The following LRP12 variants were observed in gnomAD, a reference collection of about 807,000 sequenced individuals.
The protein encoded by LRP12 is LDL receptor related protein 12.
LRP12 carries 14 observed loss-of-function variants against 66.0 expected under a neutral mutation model. That is an observed-to-expected ratio of 0.21 (90% CI 0.14 to 0.33). LRP12 has a LOEUF of 0.33. Ranked by LOEUF, LRP12 falls within the 10% of genes least tolerant of loss-of-function variation. The pLI is 1.00. For missense variants in LRP12, 889 were observed against 1,053.4 expected (o/e 0.84, Z 2.16); for synonymous variants, 357 against 359.1 (o/e 0.99, Z 0.07).
chr8:104,497,332 TCATCCCTTC>T lies in LRP12; in HGVS notation c.1211_1219del (p.Gly404_Asp406del). 6.2e-7 allele frequency: 1 copy of T among 1,614,140 alleles called. No individual in the cohort carries two copies. The highest frequency in any genetic ancestry group is 8.5e-7 in the Non-Finnish European group (1 of 1,179,996). On this transcript the variant is annotated inframe_deletion, in exon 5 of 7. Coordinates refer to ENST00000276654, the MANE Select transcript of LRP12 (RefSeq NM_013437.5). This position sits in a 1 kb window ranked among gnomAD's most constrained non-coding sequence, Gnocchi z 4.3. ...CTTCTGGCACATGGTACAATTGGTT[TCATCCCTTC>T]CATTTGGGCAATGCCAATACCCATC...
At chr8:104,548,463 AAT>A (rs1212409991) in intron 1 of LRP12, among the ~76,000 whole-genome samples, 1 of 122,202 alleles carries the variant, frequency 8.2e-6, no homozygotes, top group Non-Finnish European at 1.6e-5. Flanking sequence ...TTTTGTATCT[AAT>A]ATATAATTCT....
chr8:104,575,323 C>A (rs1425818615), intron 1 of LRP12, among the ~76,000 whole-genome samples: 1 of 152,198 alleles, frequency 6.6e-6, no homozygotes, highest in Non-Finnish European at 1.5e-5. Flanking sequence ...AGCTGCATTG[C>A]CTCCACCACT....
chr8:104,503,586 T>C lies in LRP12; in HGVS notation c.273-4067A>G, dbSNP rs973349167. 7.9e-5 allele frequency among the ~76,000 whole-genome samples: 12 copies of C among 152,276 alleles called. No homozygotes were observed. In the East Asian group the frequency reaches 1.7e-3, roughly 22 times the overall value. On this transcript the variant is annotated intron_variant, in intron 3 of 6. Coordinates refer to ENST00000276654, the MANE Select transcript of LRP12 (RefSeq NM_013437.5). ...CAGGGAGAGAGTTTCAATTTCTTGA[T>C]GTTTTTTGGTTTAATCAGTGTTTCT... is the stretch of plus-strand genomic sequence containing the variant.
intron 2 of LRP12, among the ~76,000 whole-genome samples, chr8:104,518,357 C>T (rs953405205): frequency 6.6e-6 from 1 of 151,854 alleles, no homozygotes; most frequent in Non-Finnish European, 1.5e-5. Context: ...TCTAAGGTCA[C>T]AAAAAAGCTG....
intron 1 of LRP12, among the ~76,000 whole-genome samples, chr8:104,556,022 C>A (rs1237276482): frequency 6.6e-6 from 1 of 152,142 alleles, no homozygotes; most frequent in African/African-American, 2.4e-5. Context: ...CAAACCCATG[C>A]AAATGGATGG....
At chr8:104,493,192 T>A (rs1810665212) in intron 6 of LRP12, among the ~76,000 whole-genome samples, 1 of 152,232 alleles carries the variant, frequency 6.6e-6, no homozygotes, top group African/African-American at 2.4e-5. Context: ...TTCATATACT[T>A]CTTCAGTTTA....
At chr8:104,495,441 T>C (rs991930439) in intron 5 of LRP12, 3 of 395,100 alleles carry the variant, frequency 7.6e-6, no homozygotes, top group Non-Finnish European at 1.4e-5. Context: ...CCTAGATCAC[T>C]GAGTTTTAAT....
At chr8:104,587,251 T>C (rs191874502) in intron 1 of LRP12, among the ~76,000 whole-genome samples, 1 of 152,304 alleles carries the variant, frequency 6.6e-6, no homozygotes, top group African/African-American at 2.4e-5. Context: ...AAATTAAAGA[T>C]ACCTCTCAAT....
intron 4 of LRP12, 40 bp downstream of exon 4, chr8:104,499,277 A>C: frequency 1.3e-6 from 2 of 1,519,486 alleles, no homozygotes; most frequent in South Asian, 2.3e-5. Context: ...AGTTAATACC[A>C]TAAAATTCAG....
rs575740791 is a variant in LRP12, at chr8:104,502,869, T to TA, written c.273-3351dup. Reference sequence around the variant, plus strand: ...ACTAGGGAATCCCTTAATAAACTTTTAGTCCACTAAACATTTAAGATTCAT... The same window carrying TA: ...ACTAGGGAATCCCTTAATAAACTTTTAAGTCCACTAAACATTTAAGATTCAT... On this transcript the variant is annotated intron_variant, in intron 3 of 6. Transcript: ENST00000276654. 5.7e-4 allele frequency among the ~76,000 whole-genome samples: 87 copies of TA among 152,232 alleles called. 1 individual carries two copies. Among genetic ancestry groups the TA allele is most frequent in the Middle Eastern group, 3.4e-3 (1 of 294 alleles).
intron 2 of LRP12, among the ~76,000 whole-genome samples, chr8:104,514,962 G>A (rs1412922160): frequency 6.6e-6 from 1 of 152,202 alleles, no homozygotes; most frequent in African/African-American, 2.4e-5. Flanking sequence ...GACAGTGACT[G>A]AAAGAGGATG....
intron 6 of LRP12, among the ~76,000 whole-genome samples, 178 bp downstream of exon 6, chr8:104,494,899 T>C (rs73293292): frequency 0.017 from 2,655 of 152,294 alleles, 74 homozygotes; most frequent in African/African-American, 0.06. Context: ...GAATGAAAAA[T>C]ATACTTTTGC....
chr8:104,511,905 C>CT (rs534221934), intron 2 of LRP12, among the ~76,000 whole-genome samples: 5,518 of 144,012 alleles, frequency 0.038, 164 homozygotes, highest in South Asian at 0.081. Context: ...TTCTTTTTTT[C>CT]TTTTTTTTTT....
intron 1 of LRP12, among the ~76,000 whole-genome samples, chr8:104,548,222 T>TGATATATTTATATTAATATAC (rs1811642762): frequency 9.8e-6 from 1 of 101,748 alleles, no homozygotes; most frequent in Non-Finnish European, 1.7e-5. Context: ...TATTAATATA[T>TGATATATTTATATTAATATAC]GATATATTTA....
At chr8:104,531,707 A>C (rs1208688805) in intron 2 of LRP12, among the ~76,000 whole-genome samples, 200 bp downstream of exon 2, 2 of 152,108 alleles carry the variant, frequency 1.3e-5, no homozygotes, top group African/African-American at 2.4e-5. Context: ...GGAAAAGTAT[A>C]ATCAATCCAT....
At chr8:104,535,532 C>A (rs1811381844) in intron 1 of LRP12, among the ~76,000 whole-genome samples, 1 of 151,880 alleles carries the variant, frequency 6.6e-6, no homozygotes, top group African/African-American at 2.4e-5. Context: ...TATTTAAGAA[C>A]TAAAGTTCTT....
intron 1 of LRP12, among the ~76,000 whole-genome samples, chr8:104,535,025 TAAA>T (rs35159534): frequency 1.5e-5 from 2 of 131,722 alleles, no homozygotes; most frequent in East Asian, 2.2e-4. Context: ...TAGCAAATAC[TAAA>T]AAAAAAAAAA....
At chr8:104,537,941 T>C (rs1811413334) in intron 1 of LRP12, among the ~76,000 whole-genome samples, 1 of 152,168 alleles carries the variant, frequency 6.6e-6, no homozygotes, top group Non-Finnish European at 1.5e-5. Context: ...TCAGGCTGTG[T>C]GCTGGCTTCC....
chr8:104,562,049 A>G (rs151304618), intron 1 of LRP12, among the ~76,000 whole-genome samples: 138 of 152,304 alleles, frequency 9.1e-4, no homozygotes, highest in African/African-American at 3.2e-3. Context: ...CTCAAATTCT[A>G]CGAGCAGAAG....
Sources: gnomAD v4.1 joint callset for allele counts (sites outside exome capture counted in the v4.1 genomes callset) on GRCh38, gnomAD v4.1.1 for gene constraint, Gnocchi (gnomAD v3.1) non-coding constraint, MANE v1.5 for transcripts, NCBI Gene and HGNC (gene_info 2026-07-23, HGNC 2026-07-21) for gene names.